Variants in GDAP1 observed in about 807,000 individuals in gnomAD.
GDAP1 encodes ganglioside induced differentiation associated protein 1.
GDAP1 carries 34 observed loss-of-function variants against 40.1 expected under a neutral mutation model. The observed-to-expected ratio is 0.85, with a 90% CI of 0.64 to 1.13. The LOEUF is 1.13. Ranked by LOEUF, GDAP1 falls within the 50% of genes most tolerant of loss-of-function variation. The pLI is 0.00. For synonymous variants in GDAP1, 170 were observed against 157.4 expected, an observed-to-expected ratio of 1.08 and a Z score of -0.60; for missense variants, 374 against 433.7, an observed-to-expected ratio of 0.86 and a Z score of 1.22.
At chr8:74,411,821 G>A (rs1480327487) in intron 2 of GDAP1, among the ~76,000 whole-genome samples, 4 of 149,370 alleles carry the variant, frequency 2.7e-5, no homozygotes, top group African/African-American at 1.0e-4. Context: ...GGTCGAGGCT[G>A]TGGTGAGCTG....
chr8:74,479,086 A>G (rs78041087), intron 2 of GDAP1, among the ~76,000 whole-genome samples: 616 of 152,290 alleles, frequency 4.0e-3, no homozygotes, highest in Middle Eastern at 0.02. Context: ...GAGTTTAGTC[A>G]GCCATCTTGG....
chr8:74,399,474 A>T, intron 2 of GDAP1, among the ~76,000 whole-genome samples: 1 of 148,076 alleles, frequency 6.8e-6, no homozygotes, highest in Admixed American at 6.6e-5. Context: ...CGGTCTATCA[A>T]TTTTGTTGAT....
intron 2 of GDAP1, among the ~76,000 whole-genome samples, chr8:74,462,533 GA>G (rs1806413941): frequency 1.3e-5 from 2 of 152,184 alleles, no homozygotes; most frequent in South Asian, 4.1e-4. Flanking sequence ...CTATTGGGCA[GA>G]AGCAAGCAAT....
intron 2 of GDAP1, among the ~76,000 whole-genome samples, chr8:74,398,181 G>A (rs959929841): frequency 5.9e-5 from 9 of 152,132 alleles, no homozygotes; most frequent in African/African-American, 2.2e-4. Context: ...GTATAAGAAT[G>A]CTTGTGATTT....
chr8:74,352,799 G>T (rs1469232143), intron 2 of GDAP1, among the ~76,000 whole-genome samples: 1 of 152,116 alleles, frequency 6.6e-6, no homozygotes, highest in African/African-American at 2.4e-5. Flanking sequence ...AAATGGATAA[G>T]TGTGTTAATT....
At chr8:74,466,914 T>C (rs1250452292) in intron 2 of GDAP1, among the ~76,000 whole-genome samples, 2 of 152,032 alleles carry the variant, frequency 1.3e-5, no homozygotes, top group African/African-American at 2.4e-5. Context: ...GAGACTCAGA[T>C]AGAGGGGAAT....
chr8:74,416,486 C>T (rs192470539), intron 2 of GDAP1, among the ~76,000 whole-genome samples: 2 of 150,234 alleles, frequency 1.3e-5, no homozygotes, highest in South Asian at 4.1e-4. Context: ...GCCTGCAGCA[C>T]CCGGGCTAAC....
intron 2 of GDAP1, among the ~76,000 whole-genome samples, chr8:74,406,012 G>C (rs761526014): frequency 4.7e-5 from 7 of 149,968 alleles, no homozygotes; most frequent in Non-Finnish European, 8.8e-5. Flanking sequence ...AAATATATTA[G>C]AATCAATAAA....
At chr8:74,371,498 A>C (rs1172129692), downstream of GDAP1, among the ~76,000 whole-genome samples, 3 of 151,996 alleles carry the variant, frequency 2.0e-5, no homozygotes, top group East Asian at 5.8e-4. Flanking sequence ...GTCTCTACTA[A>C]AAATACAAAA....
At chr8:74,446,265 A>G (rs1409843989) in intron 2 of GDAP1, among the ~76,000 whole-genome samples, 1 of 152,130 alleles carries the variant, frequency 6.6e-6, no homozygotes, top group Admixed American at 6.6e-5. Context: ...CCTCATCAGA[A>G]TTTCTGAGGG....
intron 2 of GDAP1, among the ~76,000 whole-genome samples, chr8:74,401,657 C>T (rs1338501978): frequency 6.7e-6 from 1 of 149,814 alleles, no homozygotes; most frequent in Non-Finnish European, 1.5e-5. Flanking sequence ...AGTTTTTCTG[C>T]TCCGTTTTTT....
chr8:74,350,684 T>A, intron 1 of GDAP1, 106 bp downstream of exon 1: 1 of 822,814 alleles, frequency 1.2e-6, no homozygotes, highest in Non-Finnish European at 2.1e-6. Context: ...GAAATCCGCC[T>A]CCAGTGTCCT....
Position 74,400,547 on chromosome 8 carries a change from T to C in GDAP1, c.165+49226T>C, listed in dbSNP as rs140448533. ...TCTTTTAATTGGAGCATTTAGTCCA[T>C]TTACATTTAAAGCTAATACTGTTAT... On this transcript the variant is annotated intron_variant, in intron 2 of 2. Transcript: ENST00000523640. Among the ~76,000 whole-genome samples, 1,199 of 150,248 alleles carry C rather than the reference T, an allele frequency of 8.0e-3. 14 individuals carry two copies. The highest frequency in any genetic ancestry group is 0.011 in the Non-Finnish European group (772 of 68,042).
chr8:74,422,843 A>G (rs946299797), intron 2 of GDAP1, among the ~76,000 whole-genome samples: 25 of 151,548 alleles, frequency 1.6e-4, no homozygotes, highest in Non-Finnish European at 2.8e-4. Flanking sequence ...TCCTGGGATC[A>G]CCAGACTTGC....
At chr8:74,470,611 T>C (rs1211005551) in intron 2 of GDAP1, among the ~76,000 whole-genome samples, 7 of 152,190 alleles carry the variant, frequency 4.6e-5, no homozygotes, top group African/African-American at 1.4e-4. Context: ...GCATAGTATT[T>C]CATGGTGTAT....
chr8:74,442,173 A>C (rs1806169974), intron 2 of GDAP1, among the ~76,000 whole-genome samples: 1 of 152,200 alleles, frequency 6.6e-6, no homozygotes. Context: ...AATTCAAATA[A>C]CTGAATCTGT....
rs571756935 is a variant in GDAP1 at position 74,470,137 on chromosome 8, T to G, written c.166-18541T>G. Among the ~76,000 whole-genome samples the G allele has an allele frequency of 3.0e-3, 451 of 152,274 alleles. 30 individuals are homozygous for G. The South Asian group carries it at 0.09, about 30-fold the overall frequency. On this transcript the variant is annotated intron_variant, in intron 2 of 2. Transcript: ENST00000523640. ...TCCTTCAGTTTTTGTAGCTAATGCT[T>G]TCTTAGAAAATTATTCGTTTCGTCC... is the stretch of plus-strand genomic sequence containing the variant.
chr8:74,429,009 C>G (rs1187462570), intron 2 of GDAP1, among the ~76,000 whole-genome samples: 1 of 151,754 alleles, frequency 6.6e-6, no homozygotes. Context: ...ATGATGGTTT[C>G]CAGCTTCATC....
intron 2 of GDAP1, among the ~76,000 whole-genome samples, chr8:74,390,377 C>T (rs1172885705): frequency 6.6e-6 from 1 of 152,104 alleles, no homozygotes; most frequent in East Asian, 1.9e-4. Context: ...GTGTGGATGT[C>T]CTTTTTGTTG....
Sources: allele counts gnomAD v4.1 joint callset (sites outside exome capture counted in the v4.1 genomes callset), GRCh38; gene constraint gnomAD v4.1.1; transcripts MANE v1.5; gene names NCBI Gene and HGNC (gene_info 2026-07-23, HGNC 2026-07-21).